SLC26A7: variants seen among roughly 807,000 people sequenced by gnomAD.
SLC26A7 encodes anion exchange transporter.
A neutral mutation model predicts 82.5 loss-of-function variants in SLC26A7; 59 were observed. The ratio of observed to expected loss-of-function variants is 0.72; its 90% CI spans 0.58 to 0.89. The LOEUF (loss-of-function observed/expected upper bound fraction) is 0.89, where lower values mean the gene tolerates loss of function less well. Ranked by LOEUF, SLC26A7 falls within the 40% of genes least tolerant of loss-of-function variation. SLC26A7 has a pLI of 0.00. For synonymous variants in SLC26A7, 271 were observed against 274.3 expected, an observed-to-expected ratio of 0.99 and a Z score of 0.12; for missense variants, 820 against 793.0, an observed-to-expected ratio of 1.03 and a Z score of -0.41.
chr8:91,304,231 G>C (rs975088534), intron 4 of SLC26A7, among the ~76,000 whole-genome samples: 1 of 152,160 alleles, frequency 6.6e-6, no homozygotes, highest in Admixed American at 6.6e-5. Flanking sequence ...GTTTGGCTCT[G>C]TGTTGCCACC....
chr8:91,380,103 A>C (rs1222289269), intron 15 of SLC26A7, among the ~76,000 whole-genome samples: 1 of 151,278 alleles, frequency 6.6e-6, no homozygotes, highest in East Asian at 1.9e-4. Context: ...AAATAACTCT[A>C]TATGTATGAT....
intron 16 of SLC26A7, among the ~76,000 whole-genome samples, chr8:91,391,313 G>A (rs1030718232): frequency 6.6e-6 from 1 of 152,130 alleles, no homozygotes; most frequent in Admixed American, 6.5e-5. Flanking sequence ...CTGGATCTCA[G>A]TTTATTCATT....
intron 15 of SLC26A7, among the ~76,000 whole-genome samples, chr8:91,387,200 C>A (rs934529925): frequency 5.9e-5 from 9 of 152,070 alleles, no homozygotes; most frequent in Admixed American, 1.3e-4. Flanking sequence ...CTATTTCCTG[C>A]AATCTTAATA....
intron 2 of SLC26A7, among the ~76,000 whole-genome samples, chr8:91,234,599 G>A (rs1563637331): frequency 6.6e-6 from 1 of 152,048 alleles, no homozygotes; most frequent in East Asian, 1.9e-4. Context: ...AGGGAATTCC[G>A]AAATTAAATG....
chr8:91,264,749 T>A (rs1272082132), intron 2 of SLC26A7, among the ~76,000 whole-genome samples: 3 of 151,694 alleles, frequency 2.0e-5, no homozygotes, highest in Admixed American at 6.6e-5. Flanking sequence ...TTGCCAAAAA[T>A]TTTTTTTTGT....
chr8:91,330,540 A>G (rs1202684444), intron 5 of SLC26A7, among the ~76,000 whole-genome samples: 3 of 152,182 alleles, frequency 2.0e-5, no homozygotes, highest in South Asian at 2.1e-4. Flanking sequence ...TTAGGCTACT[A>G]TAAGAATAGC....
At chr8:91,275,042 T>G (rs1033609502) in intron 2 of SLC26A7, among the ~76,000 whole-genome samples, 1 of 152,188 alleles carries the variant, frequency 6.6e-6, no homozygotes, top group African/African-American at 2.4e-5. Context: ...AATGCGCATA[T>G]ATTCCGTCTC....
intron 5 of SLC26A7, among the ~76,000 whole-genome samples, chr8:91,320,512 T>C (rs530710344): frequency 4.3e-4 from 65 of 152,318 alleles, no homozygotes; most frequent in African/African-American, 1.5e-3. Flanking sequence ...GATGTTGATA[T>C]TGCAATGCCA....
chr8:91,394,289 C>A (rs1386275297), intron 18 of SLC26A7: 2 of 1,612,794 alleles, frequency 1.2e-6, no homozygotes, highest in Admixed American at 3.3e-5. Flanking sequence ...TGGGTGGTTG[C>A]CTATCATTTG....
chr8:91,209,762 A>G (rs769601024), intron 1 of SLC26A7, among the ~76,000 whole-genome samples: 3 of 152,244 alleles, frequency 2.0e-5, no homozygotes, highest in Non-Finnish European at 2.9e-5. Context: ...TTGTTACTGC[A>G]TGATGAACCT....
chr8:91,316,501 G>T (rs1407492287), intron 4 of SLC26A7, among the ~76,000 whole-genome samples: 1 of 93,342 alleles, frequency 1.1e-5, no homozygotes, highest in Non-Finnish European at 1.9e-5. Context: ...AGGAGACATG[G>T]TTTCACATGT....
intron 1 of SLC26A7, among the ~76,000 whole-genome samples, chr8:91,210,562 GAC>G (rs35968986): frequency 0.013 from 1,876 of 146,080 alleles, 31 homozygotes; most frequent in African/African-American, 0.031. Context: ...CACACACACA[GAC>G]ACACACACAC....
At chr8:91,300,180 C>T (rs562052650) in intron 4 of SLC26A7, among the ~76,000 whole-genome samples, 2 of 152,198 alleles carry the variant, frequency 1.3e-5, no homozygotes, top group East Asian at 3.9e-4. Context: ...TTAAAATTTT[C>T]CTCCTACAGG....
upstream of SLC26A7, among the ~76,000 whole-genome samples, chr8:91,247,390 T>C (rs1810559278): frequency 6.6e-6 from 1 of 152,150 alleles, no homozygotes; most frequent in African/African-American, 2.4e-5. Context: ...ACTCTGAGAA[T>C]CTTATGTGTG....
intron 2 of SLC26A7, among the ~76,000 whole-genome samples, chr8:91,278,668 CATG>C (rs1378379465): frequency 1.3e-5 from 2 of 152,002 alleles, no homozygotes; most frequent in Admixed American, 6.6e-5. Flanking sequence ...TGAAGTACAA[CATG>C]ATGTTTTGAT....
intron 14 of SLC26A7, among the ~76,000 whole-genome samples, chr8:91,368,273 C>T (rs1023390038): frequency 3.3e-5 from 5 of 152,164 alleles, no homozygotes; most frequent in African/African-American, 1.2e-4. Context: ...ATTCCATTGT[C>T]TCTATTCTGT....
chr8:91,315,199 A>G (rs1327534770), intron 4 of SLC26A7, among the ~76,000 whole-genome samples: 2 of 152,188 alleles, frequency 1.3e-5, no homozygotes, highest in African/African-American at 4.8e-5. Flanking sequence ...CATAAATTCC[A>G]TGTATGCACA....
rs1332703429 is a variant in SLC26A7, at chr8:91,397,227, A to T, written c.*2130A>T. ...TGAAGACCTTTGTTTTAAGACTTCC[A>T]CACACCAAGGCTACAATGACTGTTA... On this transcript the variant is annotated 3_prime_UTR_variant, in exon 19 of 19. Coordinates refer to ENST00000276609, the MANE Select transcript of SLC26A7 (RefSeq NM_052832.4). 6.6e-6 allele frequency: 1 copy of T among 152,160 alleles called. No homozygotes were observed. Among genetic ancestry groups the T allele is most frequent in the African/African-American group, 2.4e-5 (1 of 41,464 alleles). The allele number at this position is 152,160 out of a possible 1,614,324, so 9.4% of individuals were successfully genotyped here.
intron 11 of SLC26A7, among the ~76,000 whole-genome samples, chr8:91,361,337 G>A (rs930101010): frequency 1.3e-5 from 2 of 152,056 alleles, no homozygotes; most frequent in Non-Finnish European, 2.9e-5. Context: ...CCCTCCCCAA[G>A]ATTGTATGCT....
Sources: gnomAD v4.1 joint callset for allele counts (sites outside exome capture counted in the v4.1 genomes callset) on GRCh38, gnomAD v4.1.1 for gene constraint, MANE v1.5 for transcripts, NCBI Gene and HGNC (gene_info 2026-07-23, HGNC 2026-07-21) for gene names.